BUB1: variants seen among roughly 807,000 people sequenced by gnomAD.
BUB1 encodes the protein mitotic checkpoint serine/threonine-protein kinase BUB1.
In BUB1, 84 loss-of-function variants were observed where a neutral mutation model predicts 135.2. The ratio of observed to expected loss-of-function variants is 0.62; its 90% CI spans 0.52 to 0.74. The LOEUF (loss-of-function observed/expected upper bound fraction) is 0.74, where lower values mean the gene tolerates loss of function less well. BUB1 is among the 30% of genes least tolerant of loss of function. The pLI is 0.00. For synonymous variants in BUB1, 403 were observed against 434.4 expected, an observed-to-expected ratio of 0.93 and a Z score of 0.90; for missense variants, 1,162 against 1,288.3, an observed-to-expected ratio of 0.90 and a Z score of 1.50.
chr2:110,668,758 G>T (rs1481391028), intron 6 of BUB1, among the ~76,000 whole-genome samples: 1 of 152,192 alleles, frequency 6.6e-6, no homozygotes, highest in Non-Finnish European at 1.5e-5. Context: ...TTCTCACAGG[G>T]AAGGATGCAG....
intron 1 of BUB1, among the ~76,000 whole-genome samples, chr2:110,676,844 T>G (rs1249523797): frequency 6.6e-6 from 1 of 152,164 alleles, no homozygotes; most frequent in African/African-American, 2.4e-5. Context: ...AGTGGGACAG[T>G]AGTCAGGTAC....
chr2:110,661,454 A>T (rs1042580892), intron 10 of BUB1, 128 bp downstream of exon 10: 3 of 1,200,752 alleles, frequency 2.5e-6, no homozygotes, highest in Non-Finnish European at 3.4e-6. Context: ...TCAACAACAT[A>T]CCTATCTAAA....
intron 9 of BUB1, among the ~76,000 whole-genome samples, chr2:110,663,486 C>T (rs943748764): frequency 1.3e-5 from 2 of 152,104 alleles, no homozygotes; most frequent in Admixed American, 6.5e-5. Context: ...GAAAATATAT[C>T]CTGATGCTAT....
In BUB1 at chr2:110,649,293, T is replaced by C. The variant is rs1420515686; in HGVS notation, c.2288A>G (p.Asn763Ser). Residue 763 changes from asparagine (N) to serine (S), a missense_variant, in exon 19 of 25, where the codon AAT (asparagine) becomes AGT (serine). Physicochemically the swap from Asn to Ser is conservative, Grantham distance 46 (BLOSUM62 1). Transcript: ENST00000302759. The stretch of plus-strand genomic sequence containing the variant: ...AAGTTTACATTGCCATTCAAAAGTA[T>C]TTGGATAGGAACTCACTGGTTTAGA... The part of the protein sequence containing the change: ...GLSKPVSSYP[N>S]TFEWQCKLPA... 6.2e-7 allele frequency: 1 copy of C among 1,613,026 alleles called. No individual in the cohort carries two copies.
intron 4 of BUB1, among the ~76,000 whole-genome samples, chr2:110,671,065 G>A (rs574627939): frequency 2.4e-4 from 36 of 152,190 alleles, no homozygotes; most frequent in African/African-American, 8.4e-4. Context: ...TCTACCTGTC[G>A]GGTAATGTGC....
chr2:110,674,223 A>T lies in BUB1; in HGVS notation c.88T>A (p.Tyr30Asn). ...GNDPLGEWER[Y>N]IQWVEENFPE... is the part of the protein sequence containing the mutation. ...AAATTCTCTTCTACCCACTGTATGT[A>T]TCTAGAAAAATATGGATAATGTTAA... Residue 30 changes from tyrosine to asparagine, a missense_variant and splice_region_variant, in exon 3 of 25, where the codon TAC (tyrosine) becomes AAC (asparagine). By Grantham distance (143) the Tyr-to-Asn change is moderately radical. Transcript: ENST00000302759. 1 of 1,609,796 alleles carries T rather than the reference A, an allele frequency of 6.2e-7. No homozygotes were observed. Among genetic ancestry groups the T allele is most frequent in the Admixed American group, 1.7e-5 (1 of 59,864 alleles).
intron 17 of BUB1, 110 bp from the exon 18 acceptor site, chr2:110,650,894 C>A (rs1689768080): frequency 9.9e-7 from 1 of 1,012,466 alleles, no homozygotes; most frequent in Non-Finnish European, 1.5e-6. Flanking sequence ...TTCACAATAG[C>A]CTCACAGACT....
At chr2:110,640,201 C>T (rs184937935) in intron 23 of BUB1, among the ~76,000 whole-genome samples, 158 of 152,264 alleles carry the variant, frequency 1.0e-3, no homozygotes, top group African/African-American at 3.6e-3. Context: ...TTCTCTAACT[C>T]GCCCCCATGG....
intron 3 of BUB1, 94 bp from the exon 4 acceptor site, chr2:110,672,951 T>A: frequency 7.9e-7 from 1 of 1,263,384 alleles, no homozygotes; most frequent in Non-Finnish European, 1.1e-6. Flanking sequence ...AGCCCCTAGG[T>A]AGCTTCGGAT....
At chr2:110,641,853 T>C in intron 20 of BUB1, 50 bp from the exon 21 acceptor site, 1 of 1,569,984 alleles carries the variant, frequency 6.4e-7, no homozygotes, top group Non-Finnish European at 8.6e-7. Flanking sequence ...TTCTGAAAAA[T>C]GATAGCAATA....
chr2:110,644,629 G>A (rs755918834), intron 19 of BUB1, among the ~76,000 whole-genome samples: 10 of 151,996 alleles, frequency 6.6e-5, no homozygotes, highest in Admixed American at 1.3e-4. Context: ...TATTCAAACT[G>A]CAGAAAAAGA....
At chr2:110,638,572 A>G (rs1162826993) in intron 24 of BUB1, among the ~76,000 whole-genome samples, 4 of 152,224 alleles carry the variant, frequency 2.6e-5, no homozygotes, top group Admixed American at 1.3e-4. Context: ...TGCCCAGGAG[A>G]GAGCTCAAGA....
Position 110,641,288 on chromosome 2 carries a change from T to C in BUB1, c.2783+19A>G. 3.1e-6 allele frequency: 5 copies of C among 1,597,332 alleles called. No individual in the cohort carries two copies. The highest frequency in any genetic ancestry group is 4.3e-6 in the Non-Finnish European group (5 of 1,171,204). ...TGGAAATAGGAAGAGAAGAACCCTG[T>C]TAAAAGCATAACACTTGCCCGTTTC... On this transcript the variant is annotated intron_variant, in intron 22 of 24. Transcript: ENST00000302759.
Position 110,658,702 on chromosome 2 carries a change from G to C in BUB1, c.1317C>G (p.His439Gln). The change falls in exon 12 of 25, where the codon CAC (histidine) becomes CAG (glutamine). Residue 439 changes from histidine to glutamine, a missense_variant. Coordinates refer to ENST00000302759, the MANE Select transcript of BUB1 (RefSeq NM_004336.5). ...TTCCCAGTGATGTGTTTGGAGTTGT[G>C]TGAAAAGAACTTGTGTTGGCAACCT... ...THKVANTSSFHTTPNTSLGMV... is the reference protein window; with the variant it reads ...THKVANTSSFQTTPNTSLGMV... 2 of 1,614,174 alleles carry C rather than the reference G, an allele frequency of 1.2e-6. No homozygotes were observed. Among genetic ancestry groups the C allele is most frequent in the Non-Finnish European group, 1.7e-6 (2 of 1,180,028 alleles).
In BUB1 at chr2:110,661,694, T is replaced by C. The variant is rs757232373; in HGVS notation, c.1105A>G (p.Ile369Val). The C allele has an allele frequency of 7.4e-6, 12 of 1,614,160 alleles. No individual in the cohort carries two copies. The highest frequency in any genetic ancestry group is 8.5e-6 in the Non-Finnish European group (10 of 1,180,030). ...PPVVPPLANA[I>V]SAALVSPATS... ...GCTGGGGACACCAAAGCTGCAGAAATAGCATTTGCCAAAGGAGGAACAACA... is the reference window on the plus strand; with the variant it reads ...GCTGGGGACACCAAAGCTGCAGAAACAGCATTTGCCAAAGGAGGAACAACA... The change falls in exon 10 of 25, where the codon ATT becomes GTT. Residue 369 changes from isoleucine (I) to valine (V), a missense_variant. Coordinates refer to ENST00000302759, the MANE Select transcript of BUB1 (RefSeq NM_004336.5).
At chr2:110,657,418 T>C (rs1689961677) in intron 14 of BUB1, 128 bp downstream of exon 14, 2 of 671,212 alleles carry the variant, frequency 3.0e-6, no homozygotes, top group Non-Finnish European at 4.8e-6. Flanking sequence ...AACACCCCCC[T>C]GGTTGTGTGG....
intron 24 of BUB1, among the ~76,000 whole-genome samples, chr2:110,639,449 T>C (rs1438642426): frequency 1.3e-5 from 2 of 148,460 alleles, no homozygotes; most frequent in Non-Finnish European, 3.0e-5. Context: ...GAACCTGAGG[T>C]CCAGTGACAT....
chr2:110,644,989 AAG>A (rs1277113443), intron 19 of BUB1, among the ~76,000 whole-genome samples: 3 of 152,234 alleles, frequency 2.0e-5, no homozygotes, highest in African/African-American at 7.2e-5. Flanking sequence ...AGAAGGAAGA[AAG>A]AGAATAGCAG....
chr2:110,677,405 A>AAAGTCTAAGCCTTTGTTTT (rs1215150058), intron 1 of BUB1, among the ~76,000 whole-genome samples: 3 of 152,350 alleles, frequency 2.0e-5, no homozygotes, highest in African/African-American at 7.2e-5. Flanking sequence ...GTCATAAAAC[A>AAAGTCTAAGCCTTTGTTTT]AAGGCGTGGG....
Sources: gnomAD v4.1 joint callset for allele counts (sites outside exome capture counted in the v4.1 genomes callset) on GRCh38, gnomAD v4.1.1 for gene constraint, MANE v1.5 for transcripts, NCBI Gene and HGNC (gene_info 2026-07-23, HGNC 2026-07-21) for gene names.